SPOCK1: variants seen among roughly 807,000 people sequenced by gnomAD.
The protein encoded by SPOCK1 is SPARC (osteonectin), cwcv and kazal like domains proteoglycan 1.
Under a neutral mutation model 55.3 loss-of-function variants are expected in SPOCK1, and 23 were observed. The ratio of observed to expected loss-of-function variants is 0.42; its 90% CI spans 0.30 to 0.59. The LOEUF (loss-of-function observed/expected upper bound fraction) is 0.59. SPOCK1 is among the 20% of genes least tolerant of loss of function. SPOCK1 has a pLI of 0.22. For synonymous variants in SPOCK1, 226 were observed against 221.0 expected (o/e 1.02, Z -0.20); for missense variants, 499 against 552.5 (o/e 0.90, Z 0.97).
chr5:137,381,867 T>C (rs1395633178), intron 2 of SPOCK1, among the ~76,000 whole-genome samples: 3 of 152,246 alleles, frequency 2.0e-5, no homozygotes, highest in African/African-American at 7.2e-5. Context: ...CTTATGCAAA[T>C]TTCTGCAGCA....
At chr5:137,409,571 C>T (rs753883604) in intron 2 of SPOCK1, among the ~76,000 whole-genome samples, 3 of 152,162 alleles carry the variant, frequency 2.0e-5, no homozygotes, top group Non-Finnish European at 4.4e-5. Context: ...TAGGGTTGCC[C>T]ATAAGGATTA....
intron 2 of SPOCK1, among the ~76,000 whole-genome samples, chr5:137,406,257 C>G (rs914141318): frequency 6.6e-6 from 1 of 152,142 alleles, no homozygotes; most frequent in Non-Finnish European, 1.5e-5. Flanking sequence ...TAGTGCTTGA[C>G]GCCAGTGCCA....
In SPOCK1 at chr5:137,122,253, ACACG is replaced by A. The variant is rs1276549716; in HGVS notation, c.348-9696_348-9693del. Reference sequence around the variant, plus strand: ...CAAAAGCAGTTATACACACACACACACACGCACACACACACACACACACACACAG... The same window carrying A: ...CAAAAGCAGTTATACACACACACACACACACACACACACACACACACACAG... On this transcript the variant is annotated intron_variant, in intron 4 of 10. Transcript: ENST00000394945. 1.4e-3 allele frequency among the ~76,000 whole-genome samples: 152 copies of A among 112,084 alleles called. 1 individual carries two copies. The highest frequency in any genetic ancestry group is 5.1e-3 in the African/African-American group (119 of 23,204). The allele number at this position is 112,084 out of a possible 152,430, so 73.5% of individuals were successfully genotyped here.
At chr5:137,276,894 T>G (rs1757078407) in intron 2 of SPOCK1, among the ~76,000 whole-genome samples, 2 of 152,188 alleles carry the variant, frequency 1.3e-5, no homozygotes. Context: ...GACTTCATGA[T>G]TTGGAACACC....
intron 3 of SPOCK1, among the ~76,000 whole-genome samples, chr5:137,161,007 GATATATATAT>G (rs34405933): frequency 1.4e-5 from 2 of 142,092 alleles, no homozygotes; most frequent in South Asian, 2.2e-4. Flanking sequence ...GAAACTGTGA[GATATATATAT>G]ATATATATAT....
At chr5:137,394,218 G>A (rs1751791275) in intron 2 of SPOCK1, among the ~76,000 whole-genome samples, 1 of 152,120 alleles carries the variant, frequency 6.6e-6, no homozygotes, top group Non-Finnish European at 1.5e-5. Context: ...GATATTAAGA[G>A]TTGTACAGTT....
At chr5:137,052,721 T>G (rs572204615) in intron 6 of SPOCK1, among the ~76,000 whole-genome samples, 1 of 152,172 alleles carries the variant, frequency 6.6e-6, no homozygotes, top group African/African-American at 2.4e-5. Flanking sequence ...AAAAGAATAA[T>G]TGATGATATG....
At chr5:137,416,205 A>C (rs910419903) in intron 2 of SPOCK1, among the ~76,000 whole-genome samples, 1 of 152,082 alleles carries the variant, frequency 6.6e-6, no homozygotes, top group African/African-American at 2.4e-5. Context: ...ATTCTATACC[A>C]AGCAAAAATG....
At chr5:137,400,291 C>T (rs951589839) in intron 2 of SPOCK1, among the ~76,000 whole-genome samples, 1 of 152,132 alleles carries the variant, frequency 6.6e-6, no homozygotes, top group Non-Finnish European at 1.5e-5. Context: ...AGAGACTGTA[C>T]CAAGCCAGCC....
chr5:137,197,313 A>G (rs1201339129), intron 3 of SPOCK1, among the ~76,000 whole-genome samples: 1 of 152,114 alleles, frequency 6.6e-6, no homozygotes, highest in African/African-American at 2.4e-5. Flanking sequence ...AGATCGAGAT[A>G]CTCTGGGAGA....
At chr5:137,287,101 C>A (rs1580847884) in intron 2 of SPOCK1, among the ~76,000 whole-genome samples, 3 of 152,330 alleles carry the variant, frequency 2.0e-5, no homozygotes, top group Admixed American at 2.0e-4. Flanking sequence ...TTCAGTTGGT[C>A]CTGCAAGCTC....
At chr5:137,313,308 A>G (rs1757820250) in intron 2 of SPOCK1, 2 of 571,770 alleles carry the variant, frequency 3.5e-6, no homozygotes, top group Non-Finnish European at 4.4e-6. Flanking sequence ...GGACACTACA[A>G]TCATTTAGTT....
chr5:137,256,465 G>C (rs560497684), intron 3 of SPOCK1, among the ~76,000 whole-genome samples: 16 of 152,174 alleles, frequency 1.1e-4, no homozygotes, highest in African/African-American at 3.6e-4. Context: ...TCAGGACATG[G>C]GGGCAGGCAT....
intron 3 of SPOCK1, among the ~76,000 whole-genome samples, chr5:137,202,426 A>C (rs2127076926): frequency 6.6e-6 from 1 of 152,342 alleles, no homozygotes; most frequent in South Asian, 2.1e-4. Flanking sequence ...GAAAAGCCAG[A>C]CTAATGCCCA....
At chr5:137,202,667 G>A (rs1755447999) in intron 3 of SPOCK1, among the ~76,000 whole-genome samples, 1 of 152,200 alleles carries the variant, frequency 6.6e-6, no homozygotes, top group Non-Finnish European at 1.5e-5. Context: ...GGTGTTCACA[G>A]GCTGAAACAG....
chr5:137,263,245 G>C (rs574211534), intron 3 of SPOCK1, among the ~76,000 whole-genome samples: 2 of 152,184 alleles, frequency 1.3e-5, no homozygotes, highest in Non-Finnish European at 2.9e-5. Context: ...ACTGAAAGAC[G>C]CCTCAGAGTT....
intron 5 of SPOCK1, among the ~76,000 whole-genome samples, chr5:137,108,208 T>A (rs993361275): frequency 6.6e-6 from 1 of 152,226 alleles, no homozygotes; most frequent in African/African-American, 2.4e-5. Context: ...GCCAGGTATT[T>A]AGGAGCAATG....
At chr5:137,293,434 C>A (rs1213339209) in intron 2 of SPOCK1, among the ~76,000 whole-genome samples, 1 of 152,134 alleles carries the variant, frequency 6.6e-6, no homozygotes, top group African/African-American at 2.4e-5. Flanking sequence ...TAAATTCTGA[C>A]AATGCCCTCT....
intron 3 of SPOCK1, among the ~76,000 whole-genome samples, chr5:137,208,135 T>G (rs1755550202): frequency 6.6e-6 from 1 of 152,196 alleles, no homozygotes; most frequent in African/African-American, 2.4e-5. Context: ...TTTGACTGGC[T>G]TAACCTCTCT....
Sources: gnomAD v4.1 joint callset for allele counts (sites outside exome capture counted in the v4.1 genomes callset) on GRCh38, gnomAD v4.1.1 for gene constraint, MANE v1.5 for transcripts, NCBI Gene and HGNC (gene_info 2026-07-23, HGNC 2026-07-21) for gene names.